CAMK1D: variants seen among roughly 807,000 people sequenced by gnomAD.
The protein encoded by CAMK1D is calcium/calmodulin-dependent protein kinase type 1D.
Under a neutral mutation model 47.7 loss-of-function variants are expected in CAMK1D, and 9 were observed. That is an observed-to-expected ratio of 0.19 (90% CI 0.11 to 0.33). The LOEUF is 0.33. Among genes scored for constraint, CAMK1D ranks in the 10% least tolerant of loss-of-function variants. CAMK1D has a pLI of 1.00. For missense variants in CAMK1D, 291 were observed against 488.7 expected (o/e 0.60, Z 3.81); for synonymous variants, 184 against 184.9 (o/e 0.99, Z 0.04).
intron 1 of CAMK1D, among the ~76,000 whole-genome samples, chr10:12,432,838 C>A (rs144675348): frequency 2.0e-5 from 3 of 152,196 alleles, no homozygotes; most frequent in Non-Finnish European, 4.4e-5. Context: ...TGGACACTCT[C>A]GAAGGCCAGA....
Position 12,442,374 on chromosome 10 carries a change from A to G in CAMK1D, c.92+92464A>G, listed in dbSNP as rs958427609. ...CAGGTGCCTGTAGTCCCACCTACTC[A>G]GGAGGCTGAGGCAGGAGAATGGCGT... On this transcript the variant is annotated intron_variant, in intron 1 of 10. Transcript: ENST00000619168. Among the ~76,000 whole-genome samples the G allele has an allele frequency of 4.9e-4, 75 of 152,198 alleles. 1 individual carries two copies. The highest frequency in any genetic ancestry group is 4.0e-4 in the Non-Finnish European group (27 of 67,992).
chr10:12,496,638 A>C (rs2399845), intron 1 of CAMK1D, among the ~76,000 whole-genome samples: 74,869 of 152,164 alleles, frequency 0.49, 19,348 homozygotes, highest in East Asian at 0.8. Flanking sequence ...GCTGGTGAAG[A>C]ACAGCTTGGA....
chr10:12,759,178 G>A (rs1459268803), intron 3 of CAMK1D, among the ~76,000 whole-genome samples: 1 of 152,146 alleles, frequency 6.6e-6, no homozygotes, highest in Admixed American at 6.5e-5. Context: ...GTGAAACTCC[G>A]TCTCTACTAA....
chr10:12,764,320 G>A (rs935289061), intron 4 of CAMK1D, among the ~76,000 whole-genome samples: 1 of 140,352 alleles, frequency 7.1e-6, no homozygotes, highest in Non-Finnish European at 1.5e-5. Flanking sequence ...GGCAGAGGTT[G>A]CAGTGAGCCG....
At chr10:12,393,278 G>A (rs1044565209) in intron 1 of CAMK1D, among the ~76,000 whole-genome samples, 7 of 152,064 alleles carry the variant, frequency 4.6e-5, no homozygotes, top group South Asian at 4.1e-4. Context: ...TGATCCGCAC[G>A]CCTCGGCCTC....
In CAMK1D at chr10:12,497,218, C is replaced by T. The variant is rs139989352; in HGVS notation, c.93-56007C>T. ...GTTGAGCCAGGCGTGGTGGCTCATGCCTGTAATCTCAGCACTTTGGGAGGC... is the reference window on the plus strand; with the variant it reads ...GTTGAGCCAGGCGTGGTGGCTCATGTCTGTAATCTCAGCACTTTGGGAGGC... On this transcript the variant is annotated intron_variant, in intron 1 of 10. Transcript: ENST00000619168. 1.0e-3 allele frequency among the ~76,000 whole-genome samples: 153 copies of T among 152,198 alleles called. 1 individual carries two copies. Among genetic ancestry groups the T allele is most frequent in the African/African-American group, 3.4e-3 (141 of 41,534 alleles).
chr10:12,364,197 T>C (rs527608122), intron 1 of CAMK1D, among the ~76,000 whole-genome samples: 1 of 150,686 alleles, frequency 6.6e-6, no homozygotes, highest in East Asian at 2.0e-4. Flanking sequence ...CTAAGAGGCA[T>C]GTAGAAAGTT....
rs138591706 is a variant in CAMK1D at position 12,798,924 on chromosome 10, A to T, written c.641+7691A>T. The stretch of plus-strand genomic sequence containing the variant: ...GTGCACAGCAGCAGCACTCAGCAGG[A>T]CAGGAGCAGGGCATAGATGGTGAAA... On this transcript the variant is annotated intron_variant, in intron 6 of 10. Transcript: ENST00000619168. Among the ~76,000 whole-genome samples the T allele has an allele frequency of 2.2e-3, 338 of 152,298 alleles. 1 individual carries two copies. The highest frequency in any genetic ancestry group is 3.1e-3 in the Non-Finnish European group (208 of 68,026).
intron 1 of CAMK1D, among the ~76,000 whole-genome samples, chr10:12,501,445 C>T (rs1403862872): frequency 3.3e-5 from 5 of 152,146 alleles, no homozygotes; most frequent in Admixed American, 2.0e-4. Flanking sequence ...GCTGTTCTGC[C>T]GGATTGCCAT....
intron 1 of CAMK1D, among the ~76,000 whole-genome samples, chr10:12,510,165 A>G (rs1318494505): frequency 6.6e-6 from 1 of 152,236 alleles, no homozygotes; most frequent in East Asian, 1.9e-4. Flanking sequence ...CTGTAATCCC[A>G]GCACTTTGGG....
intron 1 of CAMK1D, among the ~76,000 whole-genome samples, chr10:12,448,863 C>T (rs548846444): frequency 3.9e-5 from 6 of 152,258 alleles, no homozygotes; most frequent in South Asian, 2.1e-4. Context: ...TCATCCAAAA[C>T]GCTGACTGTC....
chr10:12,816,189 T>C, intron 7 of CAMK1D, 61 bp from the exon 8 acceptor site: 2 of 1,378,120 alleles, frequency 1.5e-6, no homozygotes, highest in Non-Finnish European at 2.1e-6. Flanking sequence ...CCTGGTGGGA[T>C]CATATTGTCA....
At chr10:12,595,342 G>GCAAAAAAAAAAAAAAAAAAAAA in intron 2 of CAMK1D, among the ~76,000 whole-genome samples, 1 of 23,554 alleles carries the variant, frequency 4.2e-5, no homozygotes, top group Non-Finnish European at 7.0e-5. Flanking sequence ...AACTCCATCT[G>GCAAAAAAAAAAAAAAAAAAAAA]AAAAAAAAAA....
rs144538550 is a variant in CAMK1D, at chr10:12,764,742, G to A, written c.438+3656G>A. 9.2e-5 allele frequency among the ~76,000 whole-genome samples: 14 copies of A among 152,206 alleles called. No individual in the cohort carries two copies. In the East Asian group the frequency reaches 2.7e-3, roughly 29 times the overall value. Reference sequence around the variant, plus strand: ...TGGTCTTTATGATTCGAGCATTCCCGCCCCTTTTCTAAGCTTGACAGCATT... The same window carrying A: ...TGGTCTTTATGATTCGAGCATTCCCACCCCTTTTCTAAGCTTGACAGCATT... On this transcript the variant is annotated intron_variant, in intron 4 of 10. Coordinates refer to ENST00000619168, the MANE Select transcript of CAMK1D (RefSeq NM_153498.4).
At chr10:12,554,543 T>TCC (rs1836699325) in intron 2 of CAMK1D, among the ~76,000 whole-genome samples, 1 of 73,110 alleles carries the variant, frequency 1.4e-5, no homozygotes, top group African/African-American at 3.5e-5. Context: ...ACCATTCATT[T>TCC]TTTCTTTTTT....
intron 1 of CAMK1D, among the ~76,000 whole-genome samples, chr10:12,431,090 T>C (rs1832458666): frequency 6.6e-6 from 1 of 152,258 alleles, no homozygotes; most frequent in Non-Finnish European, 1.5e-5. Context: ...TTTTATTTTT[T>C]ATAATAAATT....
At chr10:12,730,229 C>T (rs1212645025) in intron 3 of CAMK1D, among the ~76,000 whole-genome samples, 1 of 152,074 alleles carries the variant, frequency 6.6e-6, no homozygotes, top group Non-Finnish European at 1.5e-5. Flanking sequence ...CTGGATGTAT[C>T]TTCAGGACCA....
intron 1 of CAMK1D, among the ~76,000 whole-genome samples, chr10:12,440,286 A>AT (rs5783268): frequency 4.7e-4 from 64 of 135,548 alleles, no homozygotes; most frequent in Middle Eastern, 3.8e-3. Context: ...GTCTTTTTGG[A>AT]TTTTTTTTTT....
At chr10:12,606,830 T>C (rs1192785018) in intron 2 of CAMK1D, among the ~76,000 whole-genome samples, 2 of 152,110 alleles carry the variant, frequency 1.3e-5, no homozygotes, top group Non-Finnish European at 2.9e-5. Flanking sequence ...CAGATAATTT[T>C]TTTTTTCTTT....
Sources: allele counts gnomAD v4.1 joint callset (sites outside exome capture counted in the v4.1 genomes callset), GRCh38; gene constraint gnomAD v4.1.1; transcripts MANE v1.5; gene names NCBI Gene and HGNC (gene_info 2026-07-23, HGNC 2026-07-21).